ADGRE1: variants seen among roughly 807,000 people sequenced by gnomAD.
ADGRE1 encodes the protein EGF-like module receptor 1.
ADGRE1 carries 82 observed loss-of-function variants against 102.7 expected under a neutral mutation model. That is an observed-to-expected ratio of 0.80 (90% CI 0.67 to 0.96). The LOEUF (loss-of-function observed/expected upper bound fraction) is 0.96. Among genes scored for constraint, ADGRE1 ranks in the 40% least tolerant of loss-of-function variants. The pLI, the probability that ADGRE1 is intolerant of heterozygous loss-of-function variation, is 0.00. For synonymous variants in ADGRE1, 398 were observed against 399.6 expected (o/e 1.00, Z 0.05); for missense variants, 1,032 against 1,085.3 (o/e 0.95, Z 0.69).
Position 6,937,253 on chromosome 19 carries a change from T to G in ADGRE1, c.2392T>G (p.Phe798Val). The G allele has an allele frequency of 6.2e-7, 1 of 1,613,784 alleles. No individual in the cohort carries two copies. The highest frequency in any genetic ancestry group is 8.5e-7 in the Non-Finnish European group (1 of 1,179,794). The part of the protein sequence containing the change: ...STLKDTRLLT[F>V]KAFAQLFILG... ...ACATCTTCTCCCCAGGTTACTGACC[T>G]TCAAGGCCTTTGCCCAGCTCTTCAT... Residue 798 changes from phenylalanine (F) to valine (V), a missense_variant, in exon 19 of 21, where the codon TTC becomes GTC. Physicochemically the swap from Phe to Val is conservative, Grantham distance 50. Transcript: ENST00000312053.
At chr19:6,890,571 C>G (rs539848782) in intron 2 of ADGRE1, 28 bp downstream of exon 2, 1 of 1,606,546 alleles carries the variant, frequency 6.2e-7, no homozygotes, top group Non-Finnish European at 8.5e-7. Flanking sequence ...AATGCAGATG[C>G]CTGAAGGGGT....
chr19:6,896,255 C>A, intron 2 of ADGRE1, 143 bp from the exon 3 acceptor site: 2 of 711,814 alleles, frequency 2.8e-6, no homozygotes, highest in Non-Finnish European at 2.3e-6. Context: ...TCACAGGTAC[C>A]AGGGTTTAGG....
intron 6 of ADGRE1, among the ~76,000 whole-genome samples, chr19:6,902,429 TG>T (rs1340482849): frequency 2.0e-5 from 3 of 151,764 alleles, no homozygotes; most frequent in Admixed American, 6.6e-5. Context: ...TTTGTTTTTT[TG>T]GGGTTTTTTT....
intron 16 of ADGRE1, among the ~76,000 whole-genome samples, chr19:6,927,188 T>G (rs1974952969): frequency 7.1e-6 from 1 of 141,130 alleles, no homozygotes; most frequent in Admixed American, 7.2e-5. Flanking sequence ...TCCCTCCCAC[T>G]CTCCCTCCCT....
chr19:6,888,209 T>C (rs1973217618), intron 1 of ADGRE1, among the ~76,000 whole-genome samples: 1 of 152,218 alleles, frequency 6.6e-6, no homozygotes, highest in African/African-American at 2.4e-5. Flanking sequence ...TTTTCCACTA[T>C]ACTATGTTGC....
In ADGRE1 at chr19:6,921,825, T is replaced by A; in HGVS notation, c.1733T>A (p.Ile578Asn). 1 of 1,614,118 alleles carries A rather than the reference T, an allele frequency of 6.2e-7. No individual in the cohort carries two copies. Among genetic ancestry groups the A allele is most frequent in the Non-Finnish European group, 8.5e-7 (1 of 1,180,000 alleles). ...VILEASETYT[I>N]CSCNQMANLA... ...CTGGAAGCTTCTGAGACATATACCATCTGCAGCTGTAATCAGATGGCAAAT... is the reference window on the plus strand; with the variant it reads ...CTGGAAGCTTCTGAGACATATACCAACTGCAGCTGTAATCAGATGGCAAAT... The change falls in exon 14 of 21, where the codon ATC becomes AAC. Residue 578 changes from isoleucine (I) to asparagine (N), a missense_variant. By Grantham distance (149) the Ile-to-Asn change is moderately radical (BLOSUM62 -3). Coordinates refer to ENST00000312053, the MANE Select transcript of ADGRE1 (RefSeq NM_001974.5).
At chr19:6,904,246 A>T in intron 8 of ADGRE1, 64 bp downstream of exon 8, 1 of 1,585,484 alleles carries the variant, frequency 6.3e-7, no homozygotes, top group South Asian at 1.1e-5. Context: ...GAAAATTCTC[A>T]TTCTACCCAA....
At chr19:6,936,392 C>T (rs942533065) in intron 18 of ADGRE1, among the ~76,000 whole-genome samples, 13 of 150,292 alleles carry the variant, frequency 8.6e-5, no homozygotes, top group African/African-American at 2.4e-4. Flanking sequence ...GCCAAGATCA[C>T]GCCACTGCAC....
intron 1 of ADGRE1, 128 bp from the exon 2 acceptor site, chr19:6,890,353 A>G: frequency 1.3e-6 from 1 of 795,650 alleles, no homozygotes; most frequent in Non-Finnish European, 2.0e-6. Context: ...TAGGTTTGTC[A>G]TCTAGCCTCT....
At chr19:6,890,670 T>G (rs1599707323) in intron 2 of ADGRE1, 127 bp downstream of exon 2, 1 of 925,456 alleles carries the variant, frequency 1.1e-6, no homozygotes, top group Non-Finnish European at 1.6e-6. Flanking sequence ...AGAGCAAGGG[T>G]TAACATGCAA....
chr19:6,892,353 C>T (rs950205199), intron 2 of ADGRE1, among the ~76,000 whole-genome samples: 1 of 152,082 alleles, frequency 6.6e-6, no homozygotes, highest in Non-Finnish European at 1.5e-5. Flanking sequence ...TTAGTTTTTC[C>T]ATACTCCTAA....
At chr19:6,919,511 C>A in intron 12 of ADGRE1, 37 bp from the exon 13 acceptor site, 1 of 1,576,760 alleles carries the variant, frequency 6.3e-7, no homozygotes. Context: ...ATTGAGCAAA[C>A]GATTCCTTCC....
Position 6,897,047 on chromosome 19 carries a change from A to G in ADGRE1, c.239-102A>G, listed in dbSNP as rs549555610. 729 of 1,198,558 alleles carry G rather than the reference A, an allele frequency of 6.1e-4. 9 individuals are homozygous for G. In the South Asian group the frequency reaches 0.012, roughly 19 times the overall value. The allele number at this position is 1,198,558 out of a possible 1,614,324, so 74.2% of individuals were successfully genotyped here. A position where few individuals can be genotyped will look rare whatever the true frequency, so the allele number is the denominator to read the frequency against. ...GAAGAAGTACCAAAGTGAAGTGCATATGGGATGGGAGATATTGTTTTAACT... is the reference window on the plus strand; with the variant it reads ...GAAGAAGTACCAAAGTGAAGTGCATGTGGGATGGGAGATATTGTTTTAACT... On this transcript the variant is annotated intron_variant, in intron 3 of 20. Coordinates refer to ENST00000312053, the MANE Select transcript of ADGRE1 (RefSeq NM_001974.5).
At chr19:6,938,877 C>A (rs530321906) in intron 20 of ADGRE1, among the ~76,000 whole-genome samples, 1 of 150,932 alleles carries the variant, frequency 6.6e-6, no homozygotes, top group Non-Finnish European at 1.5e-5. Context: ...CTCATTGCAA[C>A]CTCTGCCTCC....
intron 6 of ADGRE1, among the ~76,000 whole-genome samples, chr19:6,903,484 G>C (rs569990475): frequency 6.6e-6 from 1 of 152,252 alleles, no homozygotes; most frequent in South Asian, 2.1e-4. Flanking sequence ...TGATAAAGGA[G>C]TTCAATCTCT....
At chr19:6,911,655 G>A (rs185859543) in intron 10 of ADGRE1, among the ~76,000 whole-genome samples, 18 of 146,742 alleles carry the variant, frequency 1.2e-4, no homozygotes, top group South Asian at 6.6e-4. Context: ...ACACACATGC[G>A]CACACACATA....
chr19:6,928,998 C>G (rs12973445), intron 17 of ADGRE1, among the ~76,000 whole-genome samples: 80,756 of 151,558 alleles, frequency 0.53, 23,492 homozygotes, highest in African/African-American at 0.77. Flanking sequence ...TTCGAAGTTA[C>G]AGAGTAATTT....
chr19:6,906,309 C>G (rs2144922968), intron 8 of ADGRE1, 124 bp from the exon 9 acceptor site: 1 of 732,968 alleles, frequency 1.4e-6, no homozygotes, highest in South Asian at 1.8e-5. Flanking sequence ...CATTTTCCCC[C>G]TTGTGTATTA....
In ADGRE1 at chr19:6,898,772, T is replaced by C. The variant is rs549450815; in HGVS notation, c.514+1225T>C. Reference sequence around the variant, plus strand: ...ACCATATGAGAAAGGGATTTTCTCATGTAGGGATGAGAAAATTGGGGCTCA... The same window carrying C: ...ACCATATGAGAAAGGGATTTTCTCACGTAGGGATGAGAAAATTGGGGCTCA... On this transcript the variant is annotated intron_variant, in intron 5 of 20. Coordinates refer to ENST00000312053, the MANE Select transcript of ADGRE1 (RefSeq NM_001974.5). 2.3e-4 allele frequency: 119 copies of C among 526,082 alleles called. 1 individual carries two copies. Among genetic ancestry groups the C allele is most frequent in the Non-Finnish European group, 3.7e-4 (110 of 299,210 alleles). 32.6% of individuals were successfully genotyped at this position (526,082 alleles called of 1,614,324 possible).
Sources: gnomAD v4.1 joint callset for allele counts (sites outside exome capture counted in the v4.1 genomes callset) on GRCh38, gnomAD v4.1.1 for gene constraint, MANE v1.5 for transcripts, NCBI Gene and HGNC (gene_info 2026-07-23, HGNC 2026-07-21) for gene names.